Variants in CDH13 observed in about 807,000 individuals in gnomAD.
CDH13 encodes the protein cadherin-13.
A neutral mutation model predicts 63.8 loss-of-function variants in CDH13; 24 were observed. That is an observed-to-expected ratio of 0.38 (90% CI 0.27 to 0.53). CDH13 has a LOEUF of 0.53. Among genes scored for constraint, CDH13 ranks in the 20% least tolerant of loss-of-function variants. The probability of loss-of-function intolerance (pLI) is 0.85; values close to 1 mark genes in which losing one functional copy is unlikely to be tolerated. For missense variants in CDH13, 1,049 were observed against 903.1 expected (o/e 1.16, Z -2.07); for synonymous variants, 503 against 355.3 (o/e 1.42, Z -4.67).
chr16:82,794,772 C>A (rs36034334), intron 1 of CDH13, among the ~76,000 whole-genome samples: 5 of 152,148 alleles, frequency 3.3e-5, no homozygotes, highest in African/African-American at 7.2e-5. Flanking sequence ...TGTTTTATCT[C>A]AGAAGTTGTA....
chr16:83,059,034 A>C (rs2031248903), intron 3 of CDH13, among the ~76,000 whole-genome samples: 2 of 152,158 alleles, frequency 1.3e-5, no homozygotes, highest in Non-Finnish European at 2.9e-5. Flanking sequence ...AAAGCCCAGG[A>C]CAAGTGGTCA....
At chr16:83,497,054 C>T (rs1214399010) in intron 7 of CDH13, among the ~76,000 whole-genome samples, 2 of 152,218 alleles carry the variant, frequency 1.3e-5, no homozygotes, top group Non-Finnish European at 2.9e-5. Context: ...CGCTTTTACA[C>T]TGTTGGTGGG....
At chr16:82,806,410 T>C (rs2037146429) in intron 1 of CDH13, among the ~76,000 whole-genome samples, 1 of 152,196 alleles carries the variant, frequency 6.6e-6, no homozygotes, top group Non-Finnish European at 1.5e-5. Flanking sequence ...AGATTTAGAA[T>C]TTGAAATACA....
At chr16:83,025,931 A>G (rs1019718888) in intron 2 of CDH13, among the ~76,000 whole-genome samples, 2 of 152,166 alleles carry the variant, frequency 1.3e-5, no homozygotes, top group Non-Finnish European at 2.9e-5. Flanking sequence ...GCACAGTTGT[A>G]TCATAATCTT....
intron 4 of CDH13, among the ~76,000 whole-genome samples, chr16:83,140,803 G>A (rs78053038): frequency 0.12 from 18,198 of 152,228 alleles, 1,143 homozygotes; most frequent in South Asian, 0.21. Context: ...TGACTGAAGA[G>A]CACCTCACGA....
chr16:83,165,499 G>A (rs2037626752), intron 4 of CDH13, among the ~76,000 whole-genome samples: 1 of 152,082 alleles, frequency 6.6e-6, no homozygotes, highest in Admixed American at 6.6e-5. Context: ...GGACTAGCAG[G>A]CTGCAGAGGA....
chr16:83,224,525 T>C (rs2151796393), intron 5 of CDH13, among the ~76,000 whole-genome samples: 1 of 152,328 alleles, frequency 6.6e-6, no homozygotes, highest in African/African-American at 2.4e-5. Flanking sequence ...TATCAATCAA[T>C]AACACACATG....
intron 1 of CDH13, among the ~76,000 whole-genome samples, chr16:82,682,013 C>T (rs925506804): frequency 1.3e-5 from 2 of 152,210 alleles, no homozygotes; most frequent in Non-Finnish European, 2.9e-5. Flanking sequence ...CCTTCCAAAT[C>T]AGGTGGGGCT....
intron 2 of CDH13, 104 bp from the exon 3 acceptor site, chr16:83,031,906 G>T (rs1176694370): frequency 2.2e-6 from 2 of 889,636 alleles, no homozygotes; most frequent in Non-Finnish European, 1.8e-6. Context: ...TGAACTCTGG[G>T]TTGGGAAACT....
intron 1 of CDH13, among the ~76,000 whole-genome samples, chr16:82,842,475 C>T (rs2063256764): frequency 6.6e-6 from 1 of 151,950 alleles, no homozygotes; most frequent in African/African-American, 2.4e-5. Flanking sequence ...AGGCAAAAAT[C>T]AGCTAAATGG....
intron 1 of CDH13, among the ~76,000 whole-genome samples, chr16:82,764,586 T>G (rs994213724): frequency 6.6e-6 from 1 of 152,210 alleles, no homozygotes; most frequent in Non-Finnish European, 1.5e-5. Flanking sequence ...ATTCTACAGA[T>G]GTATTTTGAG....
intron 4 of CDH13, among the ~76,000 whole-genome samples, chr16:83,174,040 C>A (rs1375254092): frequency 6.6e-6 from 1 of 151,626 alleles, no homozygotes; most frequent in Non-Finnish European, 1.5e-5. Context: ...AGGAGAGGGA[C>A]TTATGGGGAA....
intron 1 of CDH13, among the ~76,000 whole-genome samples, chr16:82,673,186 G>A (rs1256756582): frequency 1.3e-5 from 2 of 151,800 alleles, no homozygotes; most frequent in East Asian, 1.9e-4. Flanking sequence ...AGTGTTCGAC[G>A]AAGCCCCGGG....
chr16:83,223,584 A>G (rs947529175), intron 5 of CDH13, among the ~76,000 whole-genome samples: 2 of 152,212 alleles, frequency 1.3e-5, no homozygotes, highest in African/African-American at 4.8e-5. Context: ...GTTACCTAAA[A>G]GAGCCAGGTG....
chr16:82,804,276 T>TACACACACACAC (rs140828245), intron 1 of CDH13, among the ~76,000 whole-genome samples: 2,477 of 135,044 alleles, frequency 0.018, 81 homozygotes, highest in African/African-American at 0.068. Flanking sequence ...GGGATCTTGC[T>TACACACACACAC]ACACACACAC....
chr16:82,738,671 T>C (rs1027337594), intron 1 of CDH13, among the ~76,000 whole-genome samples: 1 of 152,224 alleles, frequency 6.6e-6, no homozygotes, highest in Admixed American at 6.5e-5. Flanking sequence ...ACCATTTCCT[T>C]TTCCTAGAAT....
intron 6 of CDH13, among the ~76,000 whole-genome samples, chr16:83,472,463 C>T (rs565399371): frequency 3.3e-5 from 5 of 152,334 alleles, no homozygotes; most frequent in African/African-American, 1.2e-4. Context: ...CTCTGGAGCC[C>T]TGAGGTCGGC....
intron 1 of CDH13, among the ~76,000 whole-genome samples, chr16:82,695,066 A>T (rs1182139131): frequency 6.6e-6 from 1 of 152,140 alleles, no homozygotes. Context: ...CAGCGTGGGC[A>T]AAGTCCTGTC....
chr16:83,334,361 T>TCTCACACACACACA (rs1272779883), intron 5 of CDH13, among the ~76,000 whole-genome samples: 2 of 85,622 alleles, frequency 2.3e-5, no homozygotes, highest in African/African-American at 5.0e-5. Context: ...TCTCTCTCTC[T>TCTCACACACACACA]CACACACACA....
Sources: gnomAD v4.1 joint callset for allele counts (sites outside exome capture counted in the v4.1 genomes callset) on GRCh38, gnomAD v4.1.1 for gene constraint, MANE v1.5 for transcripts, NCBI Gene and HGNC (gene_info 2026-07-23, HGNC 2026-07-21) for gene names.